The following FRY variants were observed in gnomAD, a reference collection of about 807,000 sequenced individuals.
FRY encodes the protein protein furry homolog.
Under a neutral mutation model 348.4 loss-of-function variants are expected in FRY, and 128 were observed. The ratio of observed to expected loss-of-function variants is 0.37; its 90% CI spans 0.32 to 0.43. The LOEUF (loss-of-function observed/expected upper bound fraction) is 0.43. Among genes scored for constraint, FRY ranks in the 20% least tolerant of loss-of-function variants. FRY has a pLI of 1.00. For synonymous variants in FRY, 1,370 were observed against 1,374.7 expected, an observed-to-expected ratio of 1.00 and a Z score of 0.08; for missense variants, 2,736 against 3,695.2, an observed-to-expected ratio of 0.74 and a Z score of 6.73.
chr13:32,134,684 T>A (rs1412798495), intron 8 of FRY, among the ~76,000 whole-genome samples: 1 of 152,238 alleles, frequency 6.6e-6, no homozygotes, highest in Non-Finnish European at 1.5e-5. Context: ...AATTGAAATA[T>A]AAGAGTGAAA....
At position 32,295,730 on chromosome 13, in the gene FRY, A is replaced by G; in HGVS notation, c.*270A>G. 1.8e-6 allele frequency: 1 copy of G among 542,560 alleles called. No individual in the cohort carries two copies. The highest frequency in any genetic ancestry group is 2.2e-5 in the South Asian group (1 of 45,414). 33.6% of individuals were successfully genotyped at this position (542,560 alleles called of 1,614,324 possible). A position where few individuals can be genotyped will look rare whatever the true frequency, so the allele number is the denominator to read the frequency against. ...TTTGACCGAGCATATGCAACTCGCT[A>G]CTGAAGAAGTGACTTCCGTTGCATA... On this transcript the variant is annotated 3_prime_UTR_variant, in exon 61 of 61. Transcript: ENST00000542859.
At position 32,289,756 on chromosome 13, in the gene FRY, GC is replaced by G; in HGVS notation, c.8580+14del. ...CTCCATGCCAGAGGTGAGTCCACAC[GC>G]TTCCCAACCCCACGTCCCACCACAA... On this transcript the variant is annotated intron_variant, in intron 59 of 60. Coordinates refer to ENST00000542859, the MANE Select transcript of FRY (RefSeq NM_023037.3). 7.1e-7 allele frequency: 1 copy of G among 1,400,888 alleles called. No homozygotes were observed. 86.8% of individuals were successfully genotyped at this position (1,400,888 alleles called of 1,614,324 possible). A position where few individuals can be genotyped will look rare whatever the true frequency, so the allele number is the denominator to read the frequency against.
Position 32,239,898 on chromosome 13 carries a change from T to G in FRY, c.6687+17T>G. The G allele has an allele frequency of 1.2e-6, 2 of 1,605,512 alleles. No homozygotes were observed. The highest frequency in any genetic ancestry group is 1.7e-6 in the Non-Finnish European group (2 of 1,173,620). On this transcript the variant is annotated intron_variant, in intron 46 of 60. Transcript: ENST00000542859. The surrounding 1 kb of genome is among the most constrained non-coding windows in gnomAD (Gnocchi z 4.3). Reference sequence around the variant, plus strand: ...CTGGCAGAGGTAAGCTTTTTTTTTTTGTTTTTTGAGACAGGGTCTCATTAT... The same window carrying G: ...CTGGCAGAGGTAAGCTTTTTTTTTTGGTTTTTTGAGACAGGGTCTCATTAT...
At chr13:32,269,650 C>T (rs1888110018) in intron 55 of FRY, among the ~76,000 whole-genome samples, 2 of 151,278 alleles carry the variant, frequency 1.3e-5, no homozygotes, top group South Asian at 4.2e-4. Flanking sequence ...TGAGATCGCA[C>T]CACTGCATTC....
intron 59 of FRY, chr13:32,292,165 T>C (rs549252026): frequency 3.7e-5 from 11 of 299,360 alleles, no homozygotes; most frequent in South Asian, 2.9e-4. Context: ...GTATTTTTAG[T>C]GGAGACGATG....
intron 1 of FRY, among the ~76,000 whole-genome samples, chr13:32,072,219 G>T (rs1874706097): frequency 6.6e-6 from 1 of 152,192 alleles, no homozygotes; most frequent in Non-Finnish European, 1.5e-5. Flanking sequence ...CCATAAAAAT[G>T]GGAGGAATAT....
intron 58 of FRY, among the ~76,000 whole-genome samples, chr13:32,281,262 C>G (rs1455111568): frequency 6.6e-6 from 1 of 152,184 alleles, no homozygotes; most frequent in Non-Finnish European, 1.5e-5. Context: ...TTACAACAGT[C>G]CTTTGAAATA....
At chr13:32,154,659 A>G (rs767116067) in intron 14 of FRY, among the ~76,000 whole-genome samples, 3 of 152,242 alleles carry the variant, frequency 2.0e-5, no homozygotes, top group Non-Finnish European at 4.4e-5. Context: ...CATTGTAACT[A>G]AATTATTTTC....
rs146177033 is a variant in FRY, at chr13:32,160,909, G to A, written c.1785-235G>A. On this transcript the variant is annotated intron_variant, in intron 16 of 60. Transcript: ENST00000542859. ...GGCAAATTCAAGGCAAAATACTATT[G>A]ATATCAGCATTTTTCTTTTCAGATA... Among the ~76,000 whole-genome samples, 937 of 152,266 alleles carry A rather than the reference G, an allele frequency of 6.2e-3. 14 individuals are homozygous for A. Among genetic ancestry groups the A allele is most frequent in the African/African-American group, 0.022 (900 of 41,542 alleles).
chr13:32,295,365 A>C lies in FRY; in HGVS notation c.8947A>C (p.Asn2983His). The change falls in exon 61 of 61, where the codon AAC becomes CAC. Residue 2983 changes from asparagine (N) to histidine (H), a missense_variant. Physicochemically the swap from Asn to His is moderately conservative, Grantham distance 68 (BLOSUM62 1). Coordinates refer to ENST00000542859, the MANE Select transcript of FRY (RefSeq NM_023037.3). ...TEICTKLMEL[N>H]MEIRDMIRRA... ...GATCTGCACCAAGCTGATGGAGCTG[A>C]ACATGGAGATCCGGGACATGATCCG... 6.2e-7 allele frequency: 1 copy of C among 1,613,714 alleles called. No individual in the cohort carries two copies. Among genetic ancestry groups the C allele is most frequent in the South Asian group, 1.1e-5 (1 of 91,072 alleles).
Position 32,261,673 on chromosome 13 carries a change from G to C in FRY, c.7474G>C (p.Asp2492His). The change falls in exon 52 of 61, where the codon GAT (aspartate) becomes CAT (histidine). Residue 2492 changes from aspartate (D) to histidine (H), a missense_variant. This residue lies in a region of FRY where 789 missense variants were observed against 996.2 expected (regional missense o/e 0.79). Coordinates refer to ENST00000542859, the MANE Select transcript of FRY (RefSeq NM_023037.3). ...GVRRRSLDSLDKCDMQILEER... is the reference protein window; with the variant it reads ...GVRRRSLDSLHKCDMQILEER... The stretch of plus-strand genomic sequence containing the variant: ...GCGCAGACGTTCTCTGGACAGCCTG[G>C]ATAAGTGTGATATGCAGATTCTGGA... 6.2e-7 allele frequency: 1 copy of C among 1,614,144 alleles called. No homozygotes were observed. Among genetic ancestry groups the C allele is most frequent in the Non-Finnish European group, 8.5e-7 (1 of 1,180,024 alleles).
In FRY at chr13:32,102,013, T is replaced by C; in HGVS notation, c.321T>C (p.Asp107=). ...AACGTGGAGAAGACCCCCAATTTGATCAGGTATGTGATATATATGTTATAT... is the reference window on the plus strand; with the variant it reads ...AACGTGGAGAAGACCCCCAATTTGACCAGGTATGTGATATATATGTTATAT... ...SLQRGEDPQF[D]QVISSMSSLS... The change falls in exon 3 of 61, where the codon GAT becomes GAC. Residue 107 remains aspartate (D), a synonymous_variant. Transcript: ENST00000542859. 1.3e-6 allele frequency: 2 copies of C among 1,530,210 alleles called. No homozygotes were observed. The highest frequency in any genetic ancestry group is 1.8e-6 in the Non-Finnish European group (2 of 1,103,414). 94.8% of individuals were successfully genotyped at this position (1,530,210 alleles called of 1,614,324 possible).
At chr13:32,289,520 T>C (rs1889228118) in intron 58 of FRY, 113 bp from the exon 59 acceptor site, 1 of 693,440 alleles carries the variant, frequency 1.4e-6, no homozygotes, top group African/African-American at 1.8e-5. Flanking sequence ...GAATAACAGC[T>C]GGTTATGTTT....
intron 2 of FRY, among the ~76,000 whole-genome samples, chr13:32,089,720 C>T (rs1876124980): frequency 6.6e-6 from 1 of 152,100 alleles, no homozygotes; most frequent in African/African-American, 2.4e-5. Context: ...AACACCACTG[C>T]TCTCCACTCC....
intron 17 of FRY, among the ~76,000 whole-genome samples, chr13:32,167,875 G>A (rs963115663): frequency 6.6e-6 from 1 of 152,188 alleles, no homozygotes; most frequent in African/African-American, 2.4e-5. Context: ...ACCATGGACT[G>A]CAGAGATGAC....
intron 8 of FRY, among the ~76,000 whole-genome samples, chr13:32,133,768 C>CTTTCTTT (rs773329831): frequency 4.5e-5 from 4 of 89,284 alleles, no homozygotes; most frequent in African/African-American, 8.7e-5. Flanking sequence ...TTCTTTCTTT[C>CTTTCTTT]TTTTTTTTTT....
At chr13:32,224,106 A>T in intron 36 of FRY, 129 bp from the exon 37 acceptor site, 1 of 953,320 alleles carries the variant, frequency 1.0e-6, no homozygotes, top group East Asian at 2.6e-5. Flanking sequence ...CCTAAAAAAA[A>T]TTTAAAAATG....
Position 32,289,666 on chromosome 13 carries a change from C to T in FRY, c.8503C>T (p.His2835Tyr). 2 of 1,610,526 alleles carry T rather than the reference C, an allele frequency of 1.2e-6. No individual in the cohort carries two copies. The highest frequency in any genetic ancestry group is 1.7e-6 in the Non-Finnish European group (2 of 1,176,702). ...LELCQRLYKL[H>Y]FQLLLLFQSY... Reference sequence around the variant, plus strand: ...ACTGTGTCAGAGATTATATAAGCTACACTTCCAGCTGCTATTGCTTTTTCA... The same window carrying T: ...ACTGTGTCAGAGATTATATAAGCTATACTTCCAGCTGCTATTGCTTTTTCA... The change falls in exon 59 of 61, where the codon CAC (histidine) becomes TAC (tyrosine). Residue 2835 changes from histidine to tyrosine, a missense_variant. By Grantham distance (83) the His-to-Tyr change is moderately conservative (BLOSUM62 2). Around this residue, in one of 9 missense-constraint regions of FRY, gnomAD observed 2 missense variants for 16.4 expected, o/e 0.12. Transcript: ENST00000542859.
intron 17 of FRY, among the ~76,000 whole-genome samples, chr13:32,164,212 C>T (rs1881604218): frequency 6.6e-6 from 1 of 152,196 alleles, no homozygotes; most frequent in Non-Finnish European, 1.5e-5. Flanking sequence ...TTACTTTATA[C>T]CCCCACAGTC....
Sources: allele counts gnomAD v4.1 joint callset (sites outside exome capture counted in the v4.1 genomes callset), GRCh38; gene constraint gnomAD v4.1.1; regional missense constraint gnomAD v4.1.1; non-coding constraint Gnocchi (gnomAD v3.1); transcripts MANE v1.5; gene names NCBI Gene and HGNC (gene_info 2026-07-23, HGNC 2026-07-21).